BBX: variants seen among roughly 807,000 people sequenced by gnomAD.
BBX encodes HMG box transcription factor BBX.
In BBX, 30 loss-of-function variants were observed where a neutral mutation model predicts 100.2. The observed-to-expected ratio is 0.30, with a 90% CI of 0.22 to 0.41. The LOEUF (loss-of-function observed/expected upper bound fraction) is 0.41, where lower values mean the gene tolerates loss of function less well. BBX is among the 10% of genes least tolerant of loss of function. BBX has a pLI of 1.00. For missense variants in BBX, 1,023 were observed against 1,129.8 expected (o/e 0.91, Z 1.35); for synonymous variants, 376 against 388.1 (o/e 0.97, Z 0.37).
intron 12 of BBX, 33 bp from the exon 13 acceptor site, chr3:107,778,338 G>T (rs776306944): frequency 1.9e-6 from 3 of 1,611,166 alleles, no homozygotes; most frequent in Non-Finnish European, 1.7e-6. Flanking sequence ...ATTTGGTCAT[G>T]TGCTGATTGA....
chr3:107,672,270 T>C (rs2059057550), intron 3 of BBX, among the ~76,000 whole-genome samples: 1 of 152,042 alleles, frequency 6.6e-6, no homozygotes, highest in Non-Finnish European at 1.5e-5. Flanking sequence ...AAATTGTTCT[T>C]ATCTTCAAAT....
chr3:107,730,463 G>A (rs560101250), intron 6 of BBX, among the ~76,000 whole-genome samples: 6 of 149,854 alleles, frequency 4.0e-5, no homozygotes, highest in Non-Finnish European at 7.4e-5. Context: ...TCTAGATCCA[G>A]GGTATGTAGT....
At chr3:107,783,461 T>C (rs1305174881) in intron 13 of BBX, among the ~76,000 whole-genome samples, 1 of 152,072 alleles carries the variant, frequency 6.6e-6, no homozygotes, top group Non-Finnish European at 1.5e-5. Context: ...TATGATTGGG[T>C]CCAAAAATAT....
At chr3:107,614,795 C>T (rs989360802) in intron 2 of BBX, among the ~76,000 whole-genome samples, 9 of 152,138 alleles carry the variant, frequency 5.9e-5, no homozygotes, top group African/African-American at 1.9e-4. Context: ...ATCTGGCAGA[C>T]TGACTGTATA....
In BBX at chr3:107,806,484, TG is replaced by T. The variant is rs890685433; in HGVS notation, c.*1028del. On this transcript the variant is annotated 3_prime_UTR_variant, in exon 18 of 18. Transcript: ENST00000325805. Reference sequence around the variant, plus strand: ...ACAGATTGGCTGGACGGGTTGCAATTGCTATGCACAGCCTGATTGGCACTGC... The same window carrying T: ...ACAGATTGGCTGGACGGGTTGCAATTCTATGCACAGCCTGATTGGCACTGC... 6.6e-6 allele frequency: 1 copy of T among 152,226 alleles called. No individual in the cohort carries two copies. Among genetic ancestry groups the T allele is most frequent in the Non-Finnish European group, 1.5e-5 (1 of 68,062 alleles). 9.4% of individuals were successfully genotyped at this position (152,226 alleles called of 1,614,324 possible).
chr3:107,802,339 A>G (rs2070588165), intron 17 of BBX, among the ~76,000 whole-genome samples: 1 of 152,232 alleles, frequency 6.6e-6, no homozygotes, highest in African/African-American at 2.4e-5. Flanking sequence ...CTTCCTCACA[A>G]ATAGCCTCTA....
chr3:107,810,786 C>T lies in BBX; in HGVS notation c.*5329C>T, dbSNP rs2071253970. ...AAGAATAAAATCACCTGAGACTCCACATACCAGATTATAAACTCTTCTCGT... is the reference window on the plus strand; with the variant it reads ...AAGAATAAAATCACCTGAGACTCCATATACCAGATTATAAACTCTTCTCGT... On this transcript the variant is annotated 3_prime_UTR_variant, in exon 18 of 18. Coordinates refer to ENST00000325805, the MANE Select transcript of BBX (RefSeq NM_001142568.3). 1 of 152,240 alleles carries T rather than the reference C, an allele frequency of 6.6e-6. No homozygotes were observed. The highest frequency in any genetic ancestry group is 2.4e-5 in the African/African-American group (1 of 41,458). The allele number at this position is 152,240 out of a possible 1,614,324, so 9.4% of individuals were successfully genotyped here.
At chr3:107,606,304 A>G (rs957617275) in intron 2 of BBX, among the ~76,000 whole-genome samples, 2 of 152,228 alleles carry the variant, frequency 1.3e-5, no homozygotes, top group Non-Finnish European at 2.9e-5. Context: ...TTACTAAAGC[A>G]AGGAAGTATA....
At chr3:107,546,684 A>G (rs1250713780) in intron 2 of BBX, among the ~76,000 whole-genome samples, 2 of 152,202 alleles carry the variant, frequency 1.3e-5, no homozygotes. Flanking sequence ...ATCCATGTTA[A>G]TCCAAGAAGA....
chr3:107,733,358 C>T (rs1232748541), intron 7 of BBX, among the ~76,000 whole-genome samples: 1 of 152,136 alleles, frequency 6.6e-6, no homozygotes, highest in Non-Finnish European at 1.5e-5. Flanking sequence ...ACATTCTCTG[C>T]TTGGGTGATG....
At chr3:107,554,964 A>G (rs1173145126) in intron 2 of BBX, among the ~76,000 whole-genome samples, 1 of 151,570 alleles carries the variant, frequency 6.6e-6, no homozygotes, top group Non-Finnish European at 1.5e-5. Flanking sequence ...GCTACTCGGG[A>G]GGCTGAGGCA....
chr3:107,523,298 G>GCCGCCGCCAGCCGGC (rs2047497145), intron 1 of BBX, among the ~76,000 whole-genome samples, 191 bp downstream of exon 1: 1 of 152,006 alleles, frequency 6.6e-6, no homozygotes, highest in African/African-American at 2.4e-5. Flanking sequence ...CGCGTCCGGA[G>GCCGCCGCCAGCCGGC]CCGCCGCCAG....
chr3:107,536,156 C>G (rs530936675), intron 2 of BBX, among the ~76,000 whole-genome samples: 1 of 152,208 alleles, frequency 6.6e-6, no homozygotes, highest in African/African-American at 2.4e-5. Context: ...TTAATTTTAC[C>G]TGAGGAACTT....
At chr3:107,602,534 T>C (rs1218302217) in intron 2 of BBX, among the ~76,000 whole-genome samples, 1 of 152,160 alleles carries the variant, frequency 6.6e-6, no homozygotes, top group Non-Finnish European at 1.5e-5. Context: ...CTGGGCAACA[T>C]AGTGAGACCT....
At chr3:107,788,096 A>G (rs2068624204) in intron 13 of BBX, among the ~76,000 whole-genome samples, 2 of 152,206 alleles carry the variant, frequency 1.3e-5, no homozygotes, top group Non-Finnish European at 2.9e-5. Flanking sequence ...TGAGTCTTCA[A>G]CCTATAGCTG....
At chr3:107,702,816 A>G (rs1408227984) in intron 3 of BBX, among the ~76,000 whole-genome samples, 3 of 152,196 alleles carry the variant, frequency 2.0e-5, no homozygotes, top group Admixed American at 2.0e-4. Context: ...ATGGATGTTC[A>G]GAGAGGCCTT....
chr3:107,715,419 AT>A (rs2062034290), intron 4 of BBX, among the ~76,000 whole-genome samples: 1 of 152,222 alleles, frequency 6.6e-6, no homozygotes, highest in Non-Finnish European at 1.5e-5. Flanking sequence ...CAAGTTGAGT[AT>A]CCCTAATCCA....
intron 7 of BBX, 36 bp downstream of exon 7, chr3:107,733,059 A>G: frequency 1.3e-6 from 2 of 1,591,050 alleles, no homozygotes; most frequent in South Asian, 1.1e-5. Flanking sequence ...CTCTGCTCAT[A>G]CTGTGGGTTG....
intron 2 of BBX, among the ~76,000 whole-genome samples, chr3:107,570,970 A>G (rs963124744): frequency 1.3e-5 from 2 of 152,180 alleles, no homozygotes; most frequent in African/African-American, 2.4e-5. Context: ...AAAATGGAGA[A>G]ATCAAAAGTG....
Sources: gnomAD v4.1 joint callset for allele counts (sites outside exome capture counted in the v4.1 genomes callset) on GRCh38, gnomAD v4.1.1 for gene constraint, MANE v1.5 for transcripts, NCBI Gene and HGNC (gene_info 2026-07-23, HGNC 2026-07-21) for gene names.